Variants in LTBP1 observed in about 807,000 individuals in gnomAD.
LTBP1 encodes latent transforming growth factor beta binding protein 1.
In LTBP1, 129 loss-of-function variants were observed where a neutral mutation model predicts 207.6. The ratio of observed to expected loss-of-function variants is 0.62; its 90% CI spans 0.54 to 0.72. The LOEUF (loss-of-function observed/expected upper bound fraction) is 0.72, where lower values mean the gene tolerates loss of function less well. Among genes scored for constraint, LTBP1 ranks in the 30% least tolerant of loss-of-function variants. The pLI, the probability that LTBP1 is intolerant of heterozygous loss-of-function variation, is 0.00. For missense variants in LTBP1, 2,281 were observed against 2,217.2 expected (o/e 1.03, Z -0.58); for synonymous variants, 963 against 833.7 (o/e 1.16, Z -2.67).
chr2:33,113,023 C>T (rs533734280), intron 4 of LTBP1, among the ~76,000 whole-genome samples: 1 of 152,252 alleles, frequency 6.6e-6, no homozygotes, highest in East Asian at 1.9e-4. Context: ...ATAGAAGATA[C>T]TAAGATCATT....
chr2:33,198,792 C>T (rs920234095), intron 7 of LTBP1, among the ~76,000 whole-genome samples: 130 of 152,064 alleles, frequency 8.5e-4, no homozygotes, highest in Non-Finnish European at 1.4e-3. Flanking sequence ...CCTCTCTTTT[C>T]TTCTTTATTA....
At chr2:33,324,506 G>C (rs890437466) in intron 24 of LTBP1, among the ~76,000 whole-genome samples, 1 of 151,932 alleles carries the variant, frequency 6.6e-6, no homozygotes. Flanking sequence ...CAATGAAAAG[G>C]AATGATTGCA....
intron 7 of LTBP1, among the ~76,000 whole-genome samples, chr2:33,200,690 A>G (rs2089138132): frequency 1.3e-5 from 2 of 152,172 alleles, no homozygotes; most frequent in Admixed American, 6.5e-5. Flanking sequence ...TGAACAGGCA[A>G]CCTACAAAAT....
At chr2:33,063,526 T>A (rs190692252) in intron 3 of LTBP1, among the ~76,000 whole-genome samples, 16 of 152,310 alleles carry the variant, frequency 1.1e-4, no homozygotes, top group African/African-American at 3.4e-4. Context: ...TAACATTTAA[T>A]GGGCTTGTTA....
chr2:33,380,663 A>C (rs1411194469), intron 31 of LTBP1, among the ~76,000 whole-genome samples: 1 of 152,186 alleles, frequency 6.6e-6, no homozygotes, highest in Middle Eastern at 3.2e-3. Flanking sequence ...TCATTTTGCC[A>C]GTTAAAGTTA....
Position 33,188,775 on chromosome 2 carries a change from A to T in LTBP1, c.1625A>T (p.Gln542Leu). 1 of 1,614,176 alleles carries T rather than the reference A, an allele frequency of 6.2e-7. No homozygotes were observed. The highest frequency in any genetic ancestry group is 1.3e-5 in the African/African-American group (1 of 75,042). ...ATACATTCCACATACTCCCACCAGCAGGTCATTCCTCACGTCTACCCCGTG... is the reference window on the plus strand; with the variant it reads ...ATACATTCCACATACTCCCACCAGCTGGTCATTCCTCACGTCTACCCCGTG... The part of the protein sequence containing the change: ...QTIHSTYSHQ[Q>L]VIPHVYPVAA... Residue 542 changes from glutamine to leucine, a missense_variant, in exon 7 of 34, where the codon CAG becomes CTG. This residue lies in a region of LTBP1 where 1,671 missense variants were observed against 1,634.8 expected (regional missense o/e 1.02). Coordinates refer to ENST00000404816, the MANE Select transcript of LTBP1 (RefSeq NM_206943.4).
chr2:33,086,500 G>C (rs541720798), intron 3 of LTBP1, among the ~76,000 whole-genome samples: 1 of 152,302 alleles, frequency 6.6e-6, no homozygotes, highest in South Asian at 2.1e-4. Context: ...GACTTCCTCA[G>C]GCTTATGACC....
At chr2:33,144,423 C>T (rs2082864560) in intron 5 of LTBP1, among the ~76,000 whole-genome samples, 1 of 152,136 alleles carries the variant, frequency 6.6e-6, no homozygotes. Context: ...TTCTTGAGTT[C>T]ACTTGCTTAC....
chr2:33,362,525 A>T (rs371831109), intron 28 of LTBP1, among the ~76,000 whole-genome samples: 1 of 152,184 alleles, frequency 6.6e-6, no homozygotes, highest in African/African-American at 2.4e-5. Flanking sequence ...CTTTTATATC[A>T]AAATAAATTC....
At chr2:33,055,187 A>G (rs1365842793) in intron 3 of LTBP1, among the ~76,000 whole-genome samples, 2 of 152,188 alleles carry the variant, frequency 1.3e-5, no homozygotes, top group East Asian at 3.9e-4. Context: ...GATTTTGTTC[A>G]GGGCCCAGGG....
rs796816866 is a variant in LTBP1 at position 33,062,351 on chromosome 2, G to A, written c.863+41145G>A. On this transcript the variant is annotated intron_variant, in intron 3 of 33. Coordinates refer to ENST00000404816, the MANE Select transcript of LTBP1 (RefSeq NM_206943.4). ...GTATGATTATTGATTTCTGTGTGTC[G>A]CTCAATAAATCTTTGCCTACTCTCA... Among the ~76,000 whole-genome samples, 13 of 152,002 alleles carry A rather than the reference G, an allele frequency of 8.6e-5. 1 individual carries two copies. The highest frequency in any genetic ancestry group is 3.1e-4 in the African/African-American group (13 of 41,442).
intron 2 of LTBP1, among the ~76,000 whole-genome samples, chr2:32,969,662 A>G (rs1225086371): frequency 6.6e-6 from 1 of 152,028 alleles, no homozygotes; most frequent in Non-Finnish European, 1.5e-5. Flanking sequence ...ATTTTTTCCT[A>G]TCTAATCTAC....
intron 3 of LTBP1, among the ~76,000 whole-genome samples, chr2:33,090,004 T>A (rs1993290): frequency 0.21 from 32,484 of 152,190 alleles, 3,712 homozygotes; most frequent in East Asian, 0.35. Context: ...TGCTGATATT[T>A]ATTGAAATGA....
chr2:33,142,536 A>C (rs1033504267), intron 5 of LTBP1, among the ~76,000 whole-genome samples: 2 of 152,070 alleles, frequency 1.3e-5, no homozygotes, highest in Non-Finnish European at 1.5e-5. Context: ...AGGTGATTCC[A>C]TGGGTTACTT....
chr2:33,250,619 C>T (rs538896173), intron 10 of LTBP1, among the ~76,000 whole-genome samples: 17 of 152,280 alleles, frequency 1.1e-4, no homozygotes, highest in Non-Finnish European at 2.1e-4. Context: ...GCAATCCTAG[C>T]CACAGGAGAG....
intron 5 of LTBP1, among the ~76,000 whole-genome samples, chr2:33,177,235 C>G (rs1212640504): frequency 6.6e-6 from 1 of 152,202 alleles, no homozygotes; most frequent in Non-Finnish European, 1.5e-5. Context: ...TCTCCTAGCA[C>G]ATTGCCTTGC....
At position 32,946,995 on chromosome 2, in the gene LTBP1, C is replaced by G. The variant is rs1676272729; in HGVS notation, c.-330C>G. ...CTCGCTCGCTCTCGGCCACCCTCGC[C>G]GGGCCCCGCTGCGGCGCGCGCTGCA... On this transcript the variant is annotated 5_prime_UTR_variant, in exon 1 of 34. Coordinates refer to ENST00000404816, the MANE Select transcript of LTBP1 (RefSeq NM_206943.4). 4.9e-6 allele frequency: 1 copy of G among 204,898 alleles called. No individual in the cohort carries two copies. Among genetic ancestry groups the G allele is most frequent in the Non-Finnish European group, 9.7e-6 (1 of 102,706 alleles). 12.7% of individuals were successfully genotyped at this position (204,898 alleles called of 1,614,324 possible).
intron 4 of LTBP1, among the ~76,000 whole-genome samples, chr2:33,124,713 T>A (rs2081336822): frequency 6.6e-6 from 1 of 152,260 alleles, no homozygotes. Flanking sequence ...TTCTAACAGT[T>A]GCTCCAGTTA....
intron 18 of LTBP1, 140 bp from the exon 19 acceptor site, chr2:33,279,899 A>T: frequency 1.3e-6 from 1 of 785,186 alleles, no homozygotes; most frequent in Non-Finnish European, 2.1e-6. Context: ...GTATAGACCC[A>T]ATGTCTCACT....
Sources: allele counts gnomAD v4.1 joint callset (sites outside exome capture counted in the v4.1 genomes callset), GRCh38; gene constraint gnomAD v4.1.1; regional missense constraint gnomAD v4.1.1; transcripts MANE v1.5; gene names NCBI Gene and HGNC (gene_info 2026-07-23, HGNC 2026-07-21).